The following IL1B variants were observed in gnomAD, a reference collection of about 807,000 sequenced individuals.
The protein encoded by IL1B is interleukin 1 beta.
IL1B carries 11 observed loss-of-function variants against 26.2 expected under a neutral mutation model. The ratio of observed to expected loss-of-function variants is 0.42; its 90% CI spans 0.26 to 0.70. The LOEUF (loss-of-function observed/expected upper bound fraction) is 0.70, where lower values mean the gene tolerates loss of function less well. Ranked by LOEUF, IL1B falls within the 30% of genes least tolerant of loss-of-function variation. The probability of loss-of-function intolerance (pLI) is 0.25; values close to 1 mark genes in which losing one functional copy is unlikely to be tolerated. For missense variants in IL1B, 255 were observed against 327.5 expected (o/e 0.78, Z 1.71); for synonymous variants, 118 against 120.8 (o/e 0.98, Z 0.15).
intron 6 of IL1B, 42 bp from the exon 7 acceptor site, chr2:112,830,615 CA>C: frequency 7.4e-7 from 1 of 1,355,478 alleles, no homozygotes. Context: ...GGGCAAGGGA[CA>C]AAGATGCTAT....
chr2:112,831,179 A>T, intron 6 of IL1B, 113 bp downstream of exon 6: 1 of 785,808 alleles, frequency 1.3e-6, no homozygotes, highest in Non-Finnish European at 2.0e-6. Context: ...CAAAATTGTC[A>T]AATAGACCTG....
intron 3 of IL1B, among the ~76,000 whole-genome samples, chr2:112,833,955 T>G (rs1388429202): frequency 6.6e-6 from 1 of 151,880 alleles, no homozygotes; most frequent in Admixed American, 6.6e-5. Flanking sequence ...ATTGTACCAC[T>G]GCACTCCAGC....
chr2:112,832,268 G>A (rs550157988), intron 5 of IL1B, among the ~76,000 whole-genome samples: 7 of 152,324 alleles, frequency 4.6e-5, no homozygotes, highest in African/African-American at 1.7e-4. Flanking sequence ...GGGGAAGACT[G>A]GGGAGGGGGA....
chr2:112,836,274 C>T, intron 1 of IL1B, 30 bp from the exon 2 acceptor site: 9 of 1,520,250 alleles, frequency 5.9e-6, no homozygotes, highest in Non-Finnish European at 8.2e-6. Context: ...TGAGTGACTT[C>T]CCCATGACGG....
rs1681982166 is a variant in IL1B at position 112,831,295 on chromosome 2, C to T, written c.594G>A (p.Leu198=). The T allele has an allele frequency of 1.2e-6, 2 of 1,613,860 alleles. No individual in the cohort carries two copies. Among genetic ancestry groups the T allele is most frequent in the Admixed American group, 3.3e-5 (2 of 59,986 alleles). The change falls in exon 6 of 7, where the codon CTG becomes CTA. Residue 198 remains leucine, a synonymous_variant. Transcript: ENST00000263341. ...VLKDDKPTLQ[L]ESVDPKNYPK... ...TCATTCCATAGCATTCACTTACCTCCAGCTGTAGAGTGGGCTTATCATCTT... is the reference window on the plus strand; with the variant it reads ...TCATTCCATAGCATTCACTTACCTCTAGCTGTAGAGTGGGCTTATCATCTT...
chr2:112,833,097 C>T (rs1033394382), intron 4 of IL1B: 3 of 600,502 alleles, frequency 5.0e-6, no homozygotes, highest in African/African-American at 3.7e-5. Flanking sequence ...ATAACACTAG[C>T]CCACAGGGAG....
At position 112,830,184 on chromosome 2, in the gene IL1B, C is replaced by G; in HGVS notation, c.*177G>C. 1 of 618,154 alleles carries G rather than the reference C, an allele frequency of 1.6e-6. No homozygotes were observed. The highest frequency in any genetic ancestry group is 2.9e-6 in the Non-Finnish European group (1 of 344,620). The allele number at this position is 618,154 out of a possible 1,614,324, so 38.3% of individuals were successfully genotyped here. ...GCCCTGAAAGGAGAGAGCTGACTGT[C>G]CTGGCTGATGGACAGGAGATCCTCT... is the stretch of plus-strand genomic sequence containing the variant. On this transcript the variant is annotated 3_prime_UTR_variant, in exon 7 of 7. Coordinates refer to ENST00000263341, the MANE Select transcript of IL1B (RefSeq NM_000576.3).
intron 3 of IL1B, 76 bp from the exon 4 acceptor site, chr2:112,833,651 AG>A: frequency 7.4e-7 from 1 of 1,353,596 alleles, no homozygotes; most frequent in African/African-American, 1.4e-5. Context: ...GAGAGTAGAA[AG>A]CTCAGAGAGG....
intron 5 of IL1B, among the ~76,000 whole-genome samples, chr2:112,831,793 G>T (rs1681989852): frequency 6.6e-6 from 1 of 152,212 alleles, no homozygotes. Context: ...AAGGAAAGAG[G>T]TGAAGCTGTA....
chr2:112,834,538 G>A (rs923355788), intron 3 of IL1B, among the ~76,000 whole-genome samples: 1 of 152,190 alleles, frequency 6.6e-6, no homozygotes, highest in East Asian at 1.9e-4. Context: ...ACCTGTAAGT[G>A]CACAAAAGAA....
chr2:112,835,766 T>G, intron 2 of IL1B, 149 bp from the exon 3 acceptor site: 2 of 748,644 alleles, frequency 2.7e-6, no homozygotes, highest in South Asian at 1.5e-5. Flanking sequence ...TTCACAGTGA[T>G]ATGCGCAGAA....
At chr2:112,832,903 T>C in intron 4 of IL1B, 77 bp from the exon 5 acceptor site, 1 of 1,419,888 alleles carries the variant, frequency 7.0e-7, no homozygotes. Flanking sequence ...CAAAATTTGA[T>C]TTCTTGGAGG....
chr2:112,833,365 G>A lies in IL1B; in HGVS notation c.301+9C>T. The A allele has an allele frequency of 6.2e-7, 1 of 1,613,464 alleles. No homozygotes were observed. Among genetic ancestry groups the A allele is most frequent in the East Asian group, 2.2e-5 (1 of 44,864 alleles). On this transcript the variant is annotated intron_variant, in intron 4 of 6. Coordinates refer to ENST00000263341, the MANE Select transcript of IL1B (RefSeq NM_000576.3). ...AGTGGAGATCTACTGCCTGCTCTTG[G>A]CTAACTACCTTCTTCAAAGATGAAG... is the stretch of plus-strand genomic sequence containing the variant.
chr2:112,830,565 AT>A lies in IL1B; in HGVS notation c.605del (p.Asp202ValfsTer19), dbSNP rs1463383969. 1 of 1,612,476 alleles carries A rather than the reference AT, an allele frequency of 6.2e-7. No individual in the cohort carries two copies. Among genetic ancestry groups the A allele is most frequent in the East Asian group, 2.2e-5 (1 of 44,868 alleles). The part of the protein sequence containing the change: ...DKPTLQLESV[D>X]PKNYPKKKME... The stretch of plus-strand genomic sequence containing the variant: ...TCTTCTTCTTTGGGTAATTTTTGGG[AT>A]CTACACTCTGCAGCGAAAGAGAAAG... On this transcript the variant is annotated frameshift_variant, in exon 7 of 7. Transcript: ENST00000263341. LOFTEE classifies it high-confidence loss of function.
At position 112,836,766 on chromosome 2, in the gene IL1B, C is replaced by T. The variant is rs1682102200; in HGVS notation, c.-74G>A. 1.3e-5 allele frequency: 2 copies of T among 155,436 alleles called. No individual in the cohort carries two copies. Among genetic ancestry groups the T allele is most frequent in the South Asian group, 1.9e-4 (1 of 5,326 alleles). 9.6% of individuals were successfully genotyped at this position (155,436 alleles called of 1,614,324 possible). ...GAGCAGCCTGTTGTGCCTTGTGCCT[C>T]GAAGAGGTTTGGTATCTGCCAGTTT... is the stretch of plus-strand genomic sequence containing the variant. On this transcript the variant is annotated 5_prime_UTR_variant, in exon 1 of 7. Transcript: ENST00000263341.
chr2:112,833,799 C>T (rs1241055853), intron 3 of IL1B, among the ~76,000 whole-genome samples: 1 of 152,102 alleles, frequency 6.6e-6, no homozygotes, highest in Non-Finnish European at 1.5e-5. Flanking sequence ...TCAAAACCAG[C>T]CTGGCCAACA....
chr2:112,831,498 G>T lies in IL1B; in HGVS notation c.467-76C>A, dbSNP rs151186115. The T allele has an allele frequency of 2.1e-3, 3,333 of 1,555,060 alleles. 11 individuals carry two copies. Among genetic ancestry groups the T allele is most frequent in the South Asian group, 3.6e-3 (322 of 88,936 alleles). ...CCCCAACCCCTAGGCCCCATGAGTA[G>T]GATACATGTAATTTGGTAGCCTCTG... On this transcript the variant is annotated intron_variant, in intron 5 of 6. Coordinates refer to ENST00000263341, the MANE Select transcript of IL1B (RefSeq NM_000576.3).
At chr2:112,833,107 G>T in intron 4 of IL1B, 2 of 600,036 alleles carry the variant, frequency 3.3e-6, no homozygotes, top group South Asian at 3.9e-5. Context: ...CCCACAGGGA[G>T]GTTACGAACC....
At chr2:112,830,614 A>G in intron 6 of IL1B, 41 bp from the exon 7 acceptor site, 1 of 1,360,568 alleles carries the variant, frequency 7.3e-7, no homozygotes, top group Non-Finnish European at 1.1e-6. Context: ...GGGGCAAGGG[A>G]CAAAGATGCT....
Sources: allele counts gnomAD v4.1 joint callset (sites outside exome capture counted in the v4.1 genomes callset), GRCh38; gene constraint gnomAD v4.1.1; transcripts MANE v1.5; gene names NCBI Gene and HGNC (gene_info 2026-07-23, HGNC 2026-07-21).